Variants in ZNF595 observed in about 807,000 individuals in gnomAD.
ZNF595 encodes zinc finger protein 595.
Under a neutral mutation model 19.4 loss-of-function variants are expected in ZNF595, and 9 were observed. The observed-to-expected ratio is 0.46, with a 90% CI of 0.28 to 0.81. ZNF595 has a LOEUF of 0.81. Among genes scored for constraint, ZNF595 ranks in the 30% least tolerant of loss-of-function variants. The probability of loss-of-function intolerance (pLI) is 0.11; values close to 1 mark genes in which losing one functional copy is unlikely to be tolerated. For synonymous variants in ZNF595, 255 were observed against 255.9 expected (o/e 1.00, Z 0.03); for missense variants, 729 against 736.0 (o/e 0.99, Z 0.11).
intron 3 of ZNF595, among the ~76,000 whole-genome samples, chr4:82,371 G>GTTTTTTTTTTTTTTTTTTTTTTTTTTTT (rs1560092266): frequency 2.0e-5 from 2 of 97,714 alleles, no homozygotes; most frequent in Admixed American, 1.2e-4. Context: ...TTTGGTTTGT[G>GTTTTTTTTTTTTTTTTTTTTTTTTTTTT]GTTTTTTTTT....
intron 3 of ZNF595, among the ~76,000 whole-genome samples, chr4:85,319 A>C (rs1714086020): frequency 6.6e-6 from 1 of 152,190 alleles, no homozygotes; most frequent in Non-Finnish European, 1.5e-5. Flanking sequence ...TGGAGACAGA[A>C]ACCAGATTTT....
chr4:69,618 T>C (rs1372409372), intron 3 of ZNF595, among the ~76,000 whole-genome samples: 9 of 152,224 alleles, frequency 5.9e-5, no homozygotes, highest in African/African-American at 1.9e-4. Flanking sequence ...GCTGTTTATG[T>C]GCCTTACGTA....
chr4:66,238 C>A (rs1341102176), intron 3 of ZNF595, among the ~76,000 whole-genome samples: 33 of 151,128 alleles, frequency 2.2e-4, no homozygotes, highest in African/African-American at 6.6e-4. Flanking sequence ...TTTTTCTTTA[C>A]ATTTTTCTAA....
intron 3 of ZNF595, among the ~76,000 whole-genome samples, chr4:73,183 C>G (rs1553798126): frequency 1.3e-5 from 2 of 151,874 alleles, no homozygotes; most frequent in African/African-American, 4.8e-5. Context: ...ATAAGACCTG[C>G]AAGCATCTCC....
At position 86,351 on chromosome 4, in the gene ZNF595, C is replaced by T. The variant is rs782582534; in HGVS notation, c.847C>T (p.Pro283Ser). 1 of 1,613,616 alleles carries T rather than the reference C, an allele frequency of 6.2e-7. No individual in the cohort carries two copies. The highest frequency in any genetic ancestry group is 1.1e-5 in the South Asian group (1 of 90,952). Residue 283 changes from proline (P) to serine (S), a missense_variant, in exon 4 of 4, where the codon CCC (proline) becomes TCC (serine). Physicochemically the swap from Pro to Ser is moderately conservative, Grantham distance 74 (BLOSUM62 -1). Around this residue, in one of 2 missense-constraint regions of ZNF595, gnomAD observed 729 missense variants for 675.3 expected, o/e 1.08. Transcript: ENST00000610261. ...EHKKIHTGEKPYKCKECGKAF... is the reference protein window; with the variant it reads ...EHKKIHTGEKSYKCKECGKAF... ...CAAGAAAATTCATACTGGAGAGAAACCCTACAAATGTAAAGAATGTGGCAA... is the reference window on the plus strand; with the variant it reads ...CAAGAAAATTCATACTGGAGAGAAATCCTACAAATGTAAAGAATGTGGCAA...
intron 3 of ZNF595, among the ~76,000 whole-genome samples, chr4:73,916 G>C (rs557369303): frequency 6.6e-6 from 1 of 152,246 alleles, no homozygotes; most frequent in South Asian, 2.1e-4. Flanking sequence ...GGTGGGGTCT[G>C]TGCTGACCGT....
chr4:73,654 G>A (rs1053659061), intron 3 of ZNF595, among the ~76,000 whole-genome samples: 4 of 152,072 alleles, frequency 2.6e-5, no homozygotes, highest in South Asian at 2.1e-4. Flanking sequence ...CTCTTTTCCC[G>A]CACTTTCTTT....
chr4:87,503 T>C lies in ZNF595; in HGVS notation c.*52T>C. The C allele has an allele frequency of 7.1e-7, 1 of 1,408,848 alleles. No individual in the cohort carries two copies. The highest frequency in any genetic ancestry group is 2.4e-5 in the East Asian group (1 of 40,912). The allele number at this position is 1,408,848 out of a possible 1,614,324, so 87.3% of individuals were successfully genotyped here. A position where few individuals can be genotyped will look rare whatever the true frequency, so the allele number is the denominator to read the frequency against. On this transcript the variant is annotated 3_prime_UTR_variant, in exon 4 of 4. Coordinates refer to ENST00000610261, the MANE Select transcript of ZNF595 (RefSeq NM_182524.4). ...CAGTGTCTTTACACAGCAAATAAAT[T>C]GGAGAATATTGCTCCCATATAAACT...
chr4:65,804 T>G (rs10021397), intron 3 of ZNF595, among the ~76,000 whole-genome samples: 2,778 of 7,202 alleles, frequency 0.39, 20 homozygotes, highest in African/African-American at 0.41. Flanking sequence ...TCTGTCCCTT[T>G]TCTTTCTGCC....
At chr4:54,598 C>T (rs1581308800) in intron 1 of ZNF595, among the ~76,000 whole-genome samples, 114 of 149,268 alleles carry the variant, frequency 7.6e-4, no homozygotes, top group African/African-American at 2.7e-3. Context: ...TCGCATTGCC[C>T]CACTCTTCCC....
At chr4:73,023 A>G (rs1435190418) in intron 3 of ZNF595, among the ~76,000 whole-genome samples, 2 of 152,170 alleles carry the variant, frequency 1.3e-5, no homozygotes, top group African/African-American at 2.4e-5. Context: ...AGATGCAGTG[A>G]GAGTTGGGAT....
chr4:79,734 G>A (rs1190374347), intron 3 of ZNF595, among the ~76,000 whole-genome samples: 14 of 144,226 alleles, frequency 9.7e-5, no homozygotes, highest in Admixed American at 6.3e-4. Context: ...GGGGTCTTTG[G>A]TTGTTCCCTA....
chr4:86,770 A>G lies in ZNF595; in HGVS notation c.1266A>G (p.Lys422=), dbSNP rs782333860. 1.2e-5 allele frequency: 20 copies of G among 1,613,804 alleles called. No homozygotes were observed. The highest frequency in any genetic ancestry group is 1.7e-5 in the Non-Finnish European group (20 of 1,179,868). The change falls in exon 4 of 4, where the codon AAA becomes AAG. Residue 422 remains lysine (K), a synonymous_variant. Transcript: ENST00000610261. The stretch of plus-strand genomic sequence containing the variant: ...ATAAGAGAATTCATACTGGAGAGAA[A>G]CCCTACACGTGCGAAGAATGTGGCA... ...AKHKRIHTGE[K]PYTCEECGKA...
intron 3 of ZNF595, among the ~76,000 whole-genome samples, chr4:77,606 A>G (rs1461724744): frequency 6.6e-6 from 1 of 152,182 alleles, no homozygotes; most frequent in Non-Finnish European, 1.5e-5. Flanking sequence ...TTCCACTGAG[A>G]TTGCAATTAA....
intron 3 of ZNF595, among the ~76,000 whole-genome samples, chr4:78,856 G>T (rs781847260): frequency 2.6e-4 from 39 of 152,210 alleles, no homozygotes; most frequent in Non-Finnish European, 4.6e-4. Flanking sequence ...ACCATGCCCG[G>T]CTAATTTTGT....
intron 3 of ZNF595, among the ~76,000 whole-genome samples, chr4:70,341 CT>C (rs111892917): frequency 0.02 from 2,876 of 143,560 alleles, 44 homozygotes; most frequent in South Asian, 0.086. Context: ...GATAAATATC[CT>C]TTTTTTTTTT....
chr4:70,033 C>T (rs1462519858), intron 3 of ZNF595, among the ~76,000 whole-genome samples: 2 of 152,148 alleles, frequency 1.3e-5, no homozygotes, highest in Non-Finnish European at 2.9e-5. Context: ...GTTCTGTAAA[C>T]AGTTGTGACC....
intron 3 of ZNF595, among the ~76,000 whole-genome samples, chr4:73,026 G>T (rs939921364): frequency 6.6e-5 from 10 of 152,186 alleles, no homozygotes; most frequent in Non-Finnish European, 1.2e-4. Context: ...TGCAGTGAGA[G>T]TTGGGATGGG....
chr4:70,421 T>C (rs1338356338), intron 3 of ZNF595, among the ~76,000 whole-genome samples: 1 of 151,642 alleles, frequency 6.6e-6, no homozygotes, highest in East Asian at 1.9e-4. Flanking sequence ...CACTGCAACC[T>C]CTGCCTCCCA....
Sources: gnomAD v4.1 joint callset for allele counts (sites outside exome capture counted in the v4.1 genomes callset) on GRCh38, gnomAD v4.1.1 for gene constraint, gnomAD v4.1.1 regional missense constraint, MANE v1.5 for transcripts, NCBI Gene and HGNC (gene_info 2026-07-23, HGNC 2026-07-21) for gene names.